Variants in THRB observed in about 807,000 individuals in gnomAD.
THRB encodes nuclear receptor subfamily 1 group A member 2.
A neutral mutation model predicts 47.8 loss-of-function variants in THRB; 12 were observed. The observed-to-expected ratio is 0.25, with a 90% CI of 0.16 to 0.41. The LOEUF (loss-of-function observed/expected upper bound fraction) is 0.41, where lower values mean the gene tolerates loss of function less well. Ranked by LOEUF, THRB falls within the 10% of genes least tolerant of loss-of-function variation. THRB has a pLI of 1.00. For missense variants in THRB, 348 were observed against 589.2 expected (o/e 0.59, Z 4.24); for synonymous variants, 218 against 212.2 (o/e 1.03, Z -0.24).
intron 2 of THRB, among the ~76,000 whole-genome samples, chr3:24,301,615 C>T (rs575246531): frequency 2.0e-5 from 3 of 152,260 alleles, no homozygotes; most frequent in South Asian, 4.1e-4. Flanking sequence ...TGATTATAAA[C>T]ATTTCCCTGA....
chr3:24,163,425 T>C (rs1166248699), intron 5 of THRB, among the ~76,000 whole-genome samples: 2 of 152,114 alleles, frequency 1.3e-5, no homozygotes, highest in African/African-American at 4.8e-5. Flanking sequence ...CCAGTGTTGG[T>C]TGAAGAAAAT....
In THRB at chr3:24,390,784, T is replaced by TA. The variant is rs33999392; in HGVS notation, c.-260-53414dup. The stretch of plus-strand genomic sequence containing the variant: ...CAGCTGCTTCCCAATCTTTACTTTG[T>TA]AAAAAAAAAAAAAATATATATATAT... On this transcript the variant is annotated intron_variant, in intron 1 of 10. Coordinates refer to ENST00000646209, the MANE Select transcript of THRB (RefSeq NM_001354712.2). Among the ~76,000 whole-genome samples, 141 of 138,224 alleles carry TA rather than the reference T, an allele frequency of 1.0e-3. 1 individual carries two copies. Among genetic ancestry groups the TA allele is most frequent in the African/African-American group, 3.2e-3 (118 of 36,640 alleles). The allele number at this position is 138,224 out of a possible 152,430, so 90.7% of individuals were successfully genotyped here. A position where few individuals can be genotyped will look rare whatever the true frequency, so the allele number is the denominator to read the frequency against.
intron 2 of THRB, among the ~76,000 whole-genome samples, chr3:24,302,783 C>T (rs1017431422): frequency 6.6e-6 from 1 of 152,204 alleles, no homozygotes; most frequent in African/African-American, 2.4e-5. Context: ...TCCATTACCC[C>T]CAACTAATAT....
chr3:24,453,991 C>G (rs550865324), intron 1 of THRB, among the ~76,000 whole-genome samples: 39 of 152,206 alleles, frequency 2.6e-4, no homozygotes, highest in Non-Finnish European at 4.9e-4. Flanking sequence ...TATCTTAGCA[C>G]CCGCTCTCTA....
intron 2 of THRB, among the ~76,000 whole-genome samples, chr3:24,300,569 G>A (rs1450801606): frequency 3.3e-5 from 5 of 152,030 alleles, no homozygotes; most frequent in African/African-American, 1.2e-4. Context: ...CCAAAAGCTG[G>A]GTCATATATG....
At chr3:24,254,241 A>G (rs1197956732) in intron 3 of THRB, among the ~76,000 whole-genome samples, 1 of 111,892 alleles carries the variant, frequency 8.9e-6, no homozygotes, top group East Asian at 2.6e-4. Flanking sequence ...AAAAAAAAAA[A>G]AAAATTAGCT....
In THRB at chr3:24,281,643, A is replaced by T. The variant is rs150897203; in HGVS notation, c.-43+15583T>A. Among the ~76,000 whole-genome samples the T allele has an allele frequency of 6.7e-3, 344 of 51,484 alleles. 15 individuals carry two copies. The highest frequency in any genetic ancestry group is 0.015 in the African/African-American group (307 of 20,226). 33.8% of individuals were successfully genotyped at this position (51,484 alleles called of 152,430 possible). The stretch of plus-strand genomic sequence containing the variant: ...CAATTAAAAGACACAGACTGGCGAA[A>T]TGGATAAAGAGTCAAGACCCATCAG... On this transcript the variant is annotated intron_variant, in intron 3 of 10. Coordinates refer to ENST00000646209, the MANE Select transcript of THRB (RefSeq NM_001354712.2).
intron 1 of THRB, among the ~76,000 whole-genome samples, chr3:24,375,186 A>G (rs576944011): frequency 1.3e-5 from 2 of 151,762 alleles, no homozygotes; most frequent in Admixed American, 1.3e-4. Context: ...AAGTGCTAAG[A>G]GCCATGTTTT....
In THRB at chr3:24,118,025, TTAGTTTCTTCTCTCCCTCCA is replaced by T. The variant is rs1209319212; in HGVS notation, c.*4839_*4858del. Reference sequence around the variant, plus strand: ...AGGTAACCCCCCATCAGCATTTTACTTAGTTTCTTCTCTCCCTCCATAGTTTCTTCTCAAGTAAATTTGCT... The same window carrying T: ...AGGTAACCCCCCATCAGCATTTTACTTAGTTTCTTCTCAAGTAAATTTGCT... On this transcript the variant is annotated 3_prime_UTR_variant, in exon 11 of 11. Coordinates refer to ENST00000646209, the MANE Select transcript of THRB (RefSeq NM_001354712.2). The T allele has an allele frequency of 6.6e-6, 1 of 152,228 alleles. No homozygotes were observed. Among genetic ancestry groups the T allele is most frequent in the Non-Finnish European group, 1.5e-5 (1 of 68,028 alleles). 9.4% of individuals were successfully genotyped at this position (152,228 alleles called of 1,614,324 possible). A position where few individuals can be genotyped will look rare whatever the true frequency, so the allele number is the denominator to read the frequency against.
intron 3 of THRB, among the ~76,000 whole-genome samples, chr3:24,291,960 A>C (rs182908615): frequency 1.3e-5 from 2 of 152,184 alleles, no homozygotes; most frequent in Admixed American, 1.3e-4. Context: ...AACATTCTGG[A>C]AATAACTTAA....
At chr3:24,318,947 A>G (rs554868808) in intron 2 of THRB, among the ~76,000 whole-genome samples, 1 of 152,370 alleles carries the variant, frequency 6.6e-6, no homozygotes, top group Admixed American at 6.5e-5. Flanking sequence ...TTGCACATGC[A>G]GTAGCCTGAA....
rs34338818 is a variant in THRB, at chr3:24,135,820, C to CATATATATATATATAT, written c.739-2374_739-2359dup. On this transcript the variant is annotated intron_variant, in intron 8 of 10. Coordinates refer to ENST00000646209, the MANE Select transcript of THRB (RefSeq NM_001354712.2). ...GCACACATTCAAAAAGGCAGAGAGT[C>CATATATATATATATAT]ATATATATATATATATATATATATA... Among the ~76,000 whole-genome samples, 503 of 98,290 alleles carry CATATATATATATATAT rather than the reference C, an allele frequency of 5.1e-3. 2 individuals are homozygous for CATATATATATATATAT. Among genetic ancestry groups the CATATATATATATATAT allele is most frequent in the African/African-American group, 7.7e-3 (161 of 20,946 alleles). 64.5% of individuals were successfully genotyped at this position (98,290 alleles called of 152,430 possible). A position where few individuals can be genotyped will look rare whatever the true frequency, so the allele number is the denominator to read the frequency against.
intron 3 of THRB, among the ~76,000 whole-genome samples, chr3:24,253,291 G>A (rs1049050775): frequency 6.6e-6 from 1 of 152,192 alleles, no homozygotes; most frequent in Non-Finnish European, 1.5e-5. Context: ...CTAGAGCAAA[G>A]GTTGCAAACT....
At chr3:24,269,442 C>CACATACAT (rs58200122) in intron 3 of THRB, among the ~76,000 whole-genome samples, 2 of 141,044 alleles carry the variant, frequency 1.4e-5, no homozygotes, top group African/African-American at 5.5e-5. Context: ...CACACACACA[C>CACATACAT]TTAAGTTATC....
At chr3:24,429,527 T>A (rs766788401) in intron 1 of THRB, among the ~76,000 whole-genome samples, 5 of 152,158 alleles carry the variant, frequency 3.3e-5, no homozygotes, top group African/African-American at 1.2e-4. Flanking sequence ...AAATCTCCCA[T>A]TGAGCTCTGT....
chr3:24,164,983 C>T lies in THRB; in HGVS notation c.284-12493G>A, dbSNP rs76806687. The T allele has an allele frequency of 5.8e-3, 3,923 of 680,958 alleles. 125 individuals are homozygous for T. The African/African-American group carries it at 0.062, about 11-fold the overall frequency. 42.2% of individuals were successfully genotyped at this position (680,958 alleles called of 1,614,324 possible). Reference sequence around the variant, plus strand: ...CTGTAACTTTAAAATGAAACGAAAACAAACAGTGAAACTTTGAACAAATTT... The same window carrying T: ...CTGTAACTTTAAAATGAAACGAAAATAAACAGTGAAACTTTGAACAAATTT... On this transcript the variant is annotated intron_variant, in intron 5 of 10. Coordinates refer to ENST00000646209, the MANE Select transcript of THRB (RefSeq NM_001354712.2).
At chr3:24,266,515 T>C (rs2052664035) in intron 3 of THRB, among the ~76,000 whole-genome samples, 1 of 152,106 alleles carries the variant, frequency 6.6e-6, no homozygotes, top group South Asian at 2.1e-4. Flanking sequence ...AGCTCTTGTG[T>C]ACAGTCATGA....
At chr3:24,153,831 C>G (rs534508372) in intron 5 of THRB, among the ~76,000 whole-genome samples, 1 of 152,288 alleles carries the variant, frequency 6.6e-6, no homozygotes, top group African/African-American at 2.4e-5. Flanking sequence ...TCCTTTCTCC[C>G]TATCATGGTC....
chr3:24,345,240 T>C lies in THRB; in HGVS notation c.-260-7869A>G, dbSNP rs536627432. 1.2e-4 allele frequency among the ~76,000 whole-genome samples: 18 copies of C among 152,226 alleles called. No homozygotes were observed. In the South Asian group the frequency reaches 3.3e-3, roughly 28 times the overall value. ...TCAGTTTACTGTCTTCTCTCTTAGG[T>C]AGAATTAGATTATTGTCCCTCCTAC... is the stretch of plus-strand genomic sequence containing the variant. On this transcript the variant is annotated intron_variant, in intron 1 of 10. Transcript: ENST00000646209.
Sources: allele counts gnomAD v4.1 joint callset (sites outside exome capture counted in the v4.1 genomes callset), GRCh38; gene constraint gnomAD v4.1.1; transcripts MANE v1.5; gene names NCBI Gene and HGNC (gene_info 2026-07-23, HGNC 2026-07-21).